The following SATL1 variants were observed in gnomAD, a reference collection of about 807,000 sequenced individuals.
SATL1 encodes the protein spermidine/spermine N(1)-acetyltransferase-like protein 1.
A neutral mutation model predicts 51.8 loss-of-function variants in SATL1; 47 were observed. That is an observed-to-expected ratio of 0.91 (90% CI 0.72 to 1.16). The LOEUF is 1.16. Ranked by LOEUF, SATL1 falls within the 50% of genes most tolerant of loss-of-function variation. The pLI is 0.00. For missense variants in SATL1, 520 were observed against 526.4 expected, an observed-to-expected ratio of 0.99 and a Z score of 0.12; for synonymous variants, 176 against 182.4, an observed-to-expected ratio of 0.97 and a Z score of 0.28.
intron 2 of SATL1, among the ~76,000 whole-genome samples, chrX:85,186,733 T>C (rs1157953748): frequency 3.6e-5 from 4 of 111,904 alleles, no homozygotes; most frequent in Non-Finnish European, 7.5e-5. Context: ...TGTAGGTTAT[T>C]CAAGACTGTC....
Position 85,109,238 on chromosome X carries a change from G to C in SATL1, c.-270C>G. ...GGAGTTGACTTCACCAGCGACCACA[G>C]CTGCAAGCTTGGCTGAGTTTCAGGT... is the stretch of plus-strand genomic sequence containing the variant. On this transcript the variant is annotated 5_prime_UTR_variant, in exon 3 of 8. Coordinates refer to ENST00000644105, the MANE Select transcript of SATL1 (RefSeq NM_001367857.2). The C allele has an allele frequency of 7.9e-6, 3 of 378,196 alleles. No homozygotes were observed. The highest frequency in any genetic ancestry group is 1.4e-5 in the Non-Finnish European group (3 of 217,767). 31.2% of individuals were successfully genotyped at this position (378,196 alleles called of 1,213,427 possible).
rs769456580 is a variant in SATL1 at position 85,164,788 on chromosome X, G to A, written c.-312-55508C>T. Among the ~76,000 whole-genome samples, 7 of 106,308 alleles carry A rather than the reference G, an allele frequency of 6.6e-5. No homozygotes were observed. In the South Asian group the frequency reaches 2.2e-3, roughly 33 times the overall value. The allele number at this position is 106,308 out of a possible 115,157, so 92.3% of individuals were successfully genotyped here. On this transcript the variant is annotated intron_variant, in intron 2 of 7. Transcript: ENST00000644105. ...TACACAGGCTGGAGTTCAATGGTGC[G>A]ATTTCAGCTCACGGCAACCTCTGCC...
chrX:85,132,360 T>C (rs1925829116), intron 2 of SATL1, among the ~76,000 whole-genome samples: 1 of 111,164 alleles, frequency 9.0e-6, no homozygotes, highest in Non-Finnish European at 1.9e-5. Context: ...TTTACTCTTT[T>C]TTTTTCTAAA....
chrX:85,211,908 A>G (rs754932061), intron 2 of SATL1: 1 of 111,768 alleles, frequency 8.9e-6, no homozygotes. Context: ...ATATTTAAAG[A>G]TTAGAATGTA....
At position 85,201,172 on chromosome X, in the gene SATL1, G is replaced by A. The variant is rs944854563; in HGVS notation, c.-313+23033C>T. Among the ~76,000 whole-genome samples, 8 of 111,567 alleles carry A rather than the reference G, an allele frequency of 7.2e-5. No homozygotes were observed. The Admixed American group carries it at 7.7e-4, about 11-fold the overall frequency. ...TGTGTGCTTTTGTGCATGTGTGTGTGCACTCATGCCTGTGTGTGGGGGTGA... is the reference window on the plus strand; with the variant it reads ...TGTGTGCTTTTGTGCATGTGTGTGTACACTCATGCCTGTGTGTGGGGGTGA... On this transcript the variant is annotated intron_variant, in intron 2 of 7. Coordinates refer to ENST00000644105, the MANE Select transcript of SATL1 (RefSeq NM_001367857.2).
intron 2 of SATL1, among the ~76,000 whole-genome samples, chrX:85,128,122 T>C (rs1331932693): frequency 8.9e-6 from 1 of 111,859 alleles, no homozygotes. Context: ...TGCATGTGTC[T>C]TTATAGTAGC....
At chrX:85,203,627 G>A (rs1291023789) in intron 2 of SATL1, among the ~76,000 whole-genome samples, 5 of 110,464 alleles carry the variant, frequency 4.5e-5, no homozygotes, top group African/African-American at 1.6e-4. Flanking sequence ...CCAGGTACCT[G>A]CTTAAAGCAG....
chrX:85,157,426 C>T (rs1926623991), intron 2 of SATL1, among the ~76,000 whole-genome samples: 2 of 111,560 alleles, frequency 1.8e-5, no homozygotes, highest in African/African-American at 6.5e-5. Flanking sequence ...AGGCTAAACT[C>T]TAGAACTGTC....
chrX:85,119,927 A>G (rs1925468478), intron 2 of SATL1, among the ~76,000 whole-genome samples: 2 of 111,876 alleles, frequency 1.8e-5, no homozygotes, highest in African/African-American at 6.5e-5. Context: ...AAGCGAATAA[A>G]AGGCTAAAAT....
rs745665746 is a variant in SATL1, at chrX:85,092,423, C to G, written c.2056G>C (p.Glu686Gln). Residue 686 changes from glutamate (E) to glutamine (Q), a missense_variant, in exon 8 of 8, where the codon GAA (glutamate) becomes CAA (glutamine). By Grantham distance (29) the Glu-to-Gln change is conservative. Transcript: ENST00000644105. Reference sequence around the variant, plus strand: ...TCCCATGCCATGTCCAGGAGTTCTTCTCTGTTAAACCTGAAGAGATGCCAG... The same window carrying G: ...TCCCATGCCATGTCCAGGAGTTCTTGTCTGTTAAACCTGAAGAGATGCCAG... ...EGWHLFRFNR[E>Q]ELLDMAWEE 45 of 1,182,552 alleles carry G rather than the reference C, an allele frequency of 3.8e-5. No individual in the cohort carries two copies. The highest frequency in any genetic ancestry group is 4.8e-5 in the Admixed American group (2 of 41,688).
At chrX:85,151,304 A>G (rs1341017634) in intron 2 of SATL1, among the ~76,000 whole-genome samples, 2 of 111,335 alleles carry the variant, frequency 1.8e-5, no homozygotes, top group Non-Finnish European at 3.8e-5. Flanking sequence ...CCGGTGCTCA[A>G]GGAAATAAAA....
At chrX:85,242,554 C>A (rs1286723755) in intron 1 of SATL1, among the ~76,000 whole-genome samples, 1 of 112,267 alleles carries the variant, frequency 8.9e-6, no homozygotes, top group African/African-American at 3.2e-5. Flanking sequence ...AAATAAAGTT[C>A]TACTGGAACA....
chrX:85,100,160 C>T (rs781144185), intron 4 of SATL1, among the ~76,000 whole-genome samples: 1 of 112,029 alleles, frequency 8.9e-6, no homozygotes, highest in African/African-American at 3.2e-5. Flanking sequence ...GAGCCAAGAT[C>T]GTGCCAATGC....
At chrX:85,153,269 A>T (rs911376920) in intron 2 of SATL1, among the ~76,000 whole-genome samples, 1 of 111,350 alleles carries the variant, frequency 9.0e-6, no homozygotes, top group African/African-American at 3.3e-5. Context: ...TTAGTCTGTT[A>T]ACCTACATTC....
intron 2 of SATL1, among the ~76,000 whole-genome samples, chrX:85,137,121 C>T (rs923179589): frequency 3.6e-5 from 4 of 110,764 alleles, no homozygotes; most frequent in South Asian, 3.9e-4. Context: ...GAATGGGATT[C>T]GTTAGGATTG....
intron 2 of SATL1, among the ~76,000 whole-genome samples, chrX:85,176,618 T>A (rs768094496): frequency 7.2e-5 from 8 of 111,542 alleles, no homozygotes; most frequent in Non-Finnish European, 1.3e-4. Context: ...GTGTATAATA[T>A]GTTTGCTTTT....
intron 2 of SATL1, among the ~76,000 whole-genome samples, chrX:85,173,872 A>G (rs1484961918): frequency 9.3e-6 from 1 of 107,754 alleles, no homozygotes; most frequent in Non-Finnish European, 1.9e-5. Flanking sequence ...TGCTCCACCC[A>G]TTAACTCGTC....
chrX:85,238,007 A>C (rs1355996035), intron 1 of SATL1, among the ~76,000 whole-genome samples: 1 of 111,534 alleles, frequency 9.0e-6, no homozygotes, highest in Non-Finnish European at 1.9e-5. Flanking sequence ...AACTATAGTG[A>C]GGTATTATCT....
chrX:85,170,792 G>C (rs1222212699), intron 2 of SATL1, among the ~76,000 whole-genome samples: 1 of 111,636 alleles, frequency 9.0e-6, no homozygotes, highest in Admixed American at 9.5e-5. Flanking sequence ...CAAAAAGAAA[G>C]AAGTTAGCTC....
Sources: allele counts gnomAD v4.1 joint callset (sites outside exome capture counted in the v4.1 genomes callset), GRCh38; gene constraint gnomAD v4.1.1; transcripts MANE v1.5; gene names NCBI Gene and HGNC (gene_info 2026-07-23, HGNC 2026-07-21).